CSMD1: variants seen among roughly 807,000 people sequenced by gnomAD.
The protein encoded by CSMD1 is CUB and sushi domain-containing protein 1.
In CSMD1, 213 loss-of-function variants were observed where a neutral mutation model predicts 417.5. That is an observed-to-expected ratio of 0.51 (90% CI 0.46 to 0.57). The LOEUF (loss-of-function observed/expected upper bound fraction) is 0.57, where lower values mean the gene tolerates loss of function less well. CSMD1 is among the 20% of genes least tolerant of loss of function. The probability of loss-of-function intolerance (pLI) is 0.00; values close to 1 mark genes in which losing one functional copy is unlikely to be tolerated. For synonymous variants in CSMD1, 2,862 were observed against 1,736.8 expected (o/e 1.65, Z -16.11); for missense variants, 6,923 against 4,529.7 (o/e 1.53, Z -15.17).
At chr8:3,955,206 G>A (rs1219622044) in intron 5 of CSMD1, among the ~76,000 whole-genome samples, 1 of 152,126 alleles carries the variant, frequency 6.6e-6, no homozygotes, top group Non-Finnish European at 1.5e-5. Context: ...AGAGCACCTT[G>A]AATGCGCCTC....
At position 4,410,572 on chromosome 8, in the gene CSMD1, T is replaced by C. The variant is rs547090786; in HGVS notation, c.415+9381A>G. Among the ~76,000 whole-genome samples, 85 of 152,318 alleles carry C rather than the reference T, an allele frequency of 5.6e-4. 2 individuals carry two copies. The highest frequency in any genetic ancestry group is 5.1e-3 in the Admixed American group (78 of 15,300). On this transcript the variant is annotated intron_variant, in intron 3 of 69. Coordinates refer to ENST00000635120, the MANE Select transcript of CSMD1 (RefSeq NM_033225.6). ...CATTTTTGCTTATTGAAGTTCATTTTAAATAATGACCAATTTTTGTTTTTC... is the reference window on the plus strand; with the variant it reads ...CATTTTTGCTTATTGAAGTTCATTTCAAATAATGACCAATTTTTGTTTTTC...
At chr8:4,596,270 C>T (rs564690595) in intron 2 of CSMD1, among the ~76,000 whole-genome samples, 32 of 152,140 alleles carry the variant, frequency 2.1e-4, no homozygotes, top group Admixed American at 7.2e-4. Context: ...TAAGTAAAAG[C>T]GGGAAGCACA....
chr8:4,625,981 C>T (rs1298283448), intron 2 of CSMD1, among the ~76,000 whole-genome samples: 1 of 152,142 alleles, frequency 6.6e-6, no homozygotes, highest in East Asian at 1.9e-4. Context: ...GCCTTGGTCT[C>T]CCAAAGTGCT....
chr8:2,979,513 C>T (rs1159600761), intron 54 of CSMD1, among the ~76,000 whole-genome samples: 1 of 152,180 alleles, frequency 6.6e-6, no homozygotes, highest in Non-Finnish European at 1.5e-5. Context: ...CTCTGATTAC[C>T]TCATGCTTTG....
chr8:4,934,812 T>A (rs189125888), intron 1 of CSMD1, among the ~76,000 whole-genome samples: 1 of 152,244 alleles, frequency 6.6e-6, no homozygotes, highest in Non-Finnish European at 1.5e-5. Context: ...AACCTACCTA[T>A]CATGTATCAA....
At chr8:3,023,854 C>CA (rs71199524) in intron 51 of CSMD1, among the ~76,000 whole-genome samples, 11,861 of 108,250 alleles carry the variant, frequency 0.11, 507 homozygotes, top group African/African-American at 0.14. Context: ...ACTGGGGAGT[C>CA]AAAAAAAAAA....
intron 2 of CSMD1, among the ~76,000 whole-genome samples, chr8:4,614,472 G>C (rs1290491726): frequency 1.3e-5 from 2 of 152,114 alleles, no homozygotes; most frequent in Non-Finnish European, 2.9e-5. Flanking sequence ...AGTAAATTAT[G>C]TCACCTCTAA....
chr8:4,134,132 T>C (rs545677093), intron 3 of CSMD1, among the ~76,000 whole-genome samples: 5 of 152,210 alleles, frequency 3.3e-5, no homozygotes, highest in Non-Finnish European at 5.9e-5. Context: ...AAATTTTCTT[T>C]TATGATTTAA....
intron 37 of CSMD1, among the ~76,000 whole-genome samples, chr8:3,180,706 G>A (rs921631351): frequency 1.3e-5 from 2 of 152,066 alleles, no homozygotes; most frequent in African/African-American, 4.8e-5. Context: ...TGCAATCTTG[G>A]CTCATGGCAA....
At chr8:4,830,703 T>C (rs527840140) in intron 1 of CSMD1, among the ~76,000 whole-genome samples, 6 of 152,346 alleles carry the variant, frequency 3.9e-5, no homozygotes, top group Non-Finnish European at 7.3e-5. Flanking sequence ...GGCAACACTG[T>C]ATTGCAACCC....
At chr8:3,452,310 C>T (rs1055024590) in intron 12 of CSMD1, among the ~76,000 whole-genome samples, 4 of 152,120 alleles carry the variant, frequency 2.6e-5, no homozygotes, top group Admixed American at 1.3e-4. Flanking sequence ...CCCTTTATTT[C>T]CTTCTCCTGC....
chr8:4,013,716 C>T (rs1244479278), intron 4 of CSMD1, among the ~76,000 whole-genome samples: 2 of 152,202 alleles, frequency 1.3e-5, no homozygotes, highest in Non-Finnish European at 2.9e-5. Context: ...CCAGCAGCTA[C>T]AACAAATGTT....
At chr8:3,895,719 T>A (rs1321273230) in intron 5 of CSMD1, among the ~76,000 whole-genome samples, 2 of 152,232 alleles carry the variant, frequency 1.3e-5, no homozygotes, top group African/African-American at 4.8e-5. Flanking sequence ...TCAATTTATT[T>A]GCTTGTTCTT....
chr8:3,586,145 T>C lies in CSMD1; in HGVS notation c.1213A>G (p.Ile405Val). The C allele has an allele frequency of 1.2e-6, 2 of 1,612,130 alleles. No homozygotes were observed. The highest frequency in any genetic ancestry group is 2.2e-5 in the South Asian group (2 of 90,642). Residue 405 changes from isoleucine (I) to valine (V), a missense_variant, in exon 9 of 70, where the codon ATC (isoleucine) becomes GTC (valine). By Grantham distance (29) the Ile-to-Val change is conservative. Coordinates refer to ENST00000635120, the MANE Select transcript of CSMD1 (RefSeq NM_033225.6). ...ACCGCAGGTGCCTTACCTCGGCAGA[T>C]GGGCCTGTGGTCACTCCAAGCAGCG... ...TLAAWSDHRP[I>V]CRARTCGSNL...
chr8:4,168,043 T>G (rs1040462470), intron 3 of CSMD1, among the ~76,000 whole-genome samples: 3 of 151,836 alleles, frequency 2.0e-5, no homozygotes, highest in Admixed American at 6.6e-5. Flanking sequence ...GCCGTAGAAT[T>G]GCTTGAAACC....
chr8:3,081,142 A>C (rs1195310678), intron 49 of CSMD1, among the ~76,000 whole-genome samples: 4 of 152,212 alleles, frequency 2.6e-5, no homozygotes, highest in Non-Finnish European at 4.4e-5. Context: ...TAAGATTGGT[A>C]GCTGGAGGGC....
intron 2 of CSMD1, among the ~76,000 whole-genome samples, chr8:4,582,465 C>G (rs750484693): frequency 6.6e-6 from 1 of 152,160 alleles, no homozygotes; most frequent in Non-Finnish European, 1.5e-5. Context: ...GAGCCCAATA[C>G]AGATCCACTC....
intron 5 of CSMD1, among the ~76,000 whole-genome samples, chr8:3,842,021 CCTTT>C (rs1452990535): frequency 3.3e-5 from 5 of 152,184 alleles, no homozygotes; most frequent in Admixed American, 1.3e-4. Flanking sequence ...GTTAAAAGCT[CCTTT>C]CTTTCTAATG....
intron 3 of CSMD1, among the ~76,000 whole-genome samples, chr8:4,245,234 A>C (rs1233904807): frequency 1.3e-5 from 2 of 152,204 alleles, no homozygotes; most frequent in Non-Finnish European, 2.9e-5. Flanking sequence ...TCTAAATCGG[A>C]TGAAATCAAG....
Sources: gnomAD v4.1 joint callset for allele counts (sites outside exome capture counted in the v4.1 genomes callset) on GRCh38, gnomAD v4.1.1 for gene constraint, MANE v1.5 for transcripts, NCBI Gene and HGNC (gene_info 2026-07-23, HGNC 2026-07-21) for gene names.